Variants in GALNT8 observed in about 807,000 individuals in gnomAD.
GALNT8 encodes probable polypeptide N-acetylgalactosaminyltransferase 8.
In GALNT8, 66 loss-of-function variants were observed where a neutral mutation model predicts 62.7. The ratio of observed to expected loss-of-function variants is 1.05; its 90% CI spans 0.86 to 1.29. GALNT8 has a LOEUF of 1.29. GALNT8 is among the 50% of genes most tolerant of loss of function. GALNT8 has a pLI of 0.00. For synonymous variants in GALNT8, 288 were observed against 294.3 expected, an observed-to-expected ratio of 0.98 and a Z score of 0.22; for missense variants, 771 against 791.8, an observed-to-expected ratio of 0.97 and a Z score of 0.32.
At chr12:4,733,160 G>A (rs1042894429) in intron 2 of GALNT8, among the ~76,000 whole-genome samples, 41 of 152,312 alleles carry the variant, frequency 2.7e-4, no homozygotes, top group African/African-American at 9.4e-4. Flanking sequence ...ATTCAATTAA[G>A]CATTTAGGTT....
intron 2 of GALNT8, among the ~76,000 whole-genome samples, chr12:4,734,733 A>G (rs1001416910): frequency 2.6e-5 from 4 of 152,082 alleles, no homozygotes; most frequent in Admixed American, 2.6e-4. Flanking sequence ...TCTAGGATGA[A>G]GTCCAGTCTT....
chr12:4,729,476 C>G (rs1946211560), intron 2 of GALNT8, among the ~76,000 whole-genome samples: 1 of 152,170 alleles, frequency 6.6e-6, no homozygotes, highest in Admixed American at 6.5e-5. Context: ...TCATTCTACT[C>G]TCTTTCTGTG....
rs2286578 is a variant in GALNT8, at chr12:4,726,716, T to G, written c.396T>G (p.Leu132=). The G allele has an allele frequency of 0.4, 643,691 of 1,613,194 alleles. 131,711 individuals carry two copies. Among genetic ancestry groups the G allele is most frequent in the Admixed American group, 0.44 (26,090 of 59,936 alleles). The change falls in exon 2 of 11, where the codon CTT becomes CTG. Residue 132 remains leucine, a synonymous_variant. Coordinates refer to ENST00000252318, the MANE Select transcript of GALNT8 (RefSeq NM_017417.2). The surrounding 1 kb of genome is among the most constrained non-coding windows in gnomAD (Gnocchi z 4.1). ...SQLFRQWGED[L]SEAQQKAAQD... ...TTTTCAGGCAATGGGGCGAGGATCTTTCTGAGGCCCAGCAGAAGGCGGCCC... is the reference window on the plus strand; with the variant it reads ...TTTTCAGGCAATGGGGCGAGGATCTGTCTGAGGCCCAGCAGAAGGCGGCCC...
At chr12:4,724,191 G>C (rs1016613954) in intron 1 of GALNT8, among the ~76,000 whole-genome samples, 5 of 148,514 alleles carry the variant, frequency 3.4e-5, no homozygotes, top group South Asian at 2.2e-4. Flanking sequence ...AGTCAATAAG[G>C]ATACTTAGTT....
In GALNT8 at chr12:4,744,252, T is replaced by C. The variant is rs1946285175; in HGVS notation, c.677-265T>C. Among the ~76,000 whole-genome samples, 4 of 152,298 alleles carry C rather than the reference T, an allele frequency of 2.6e-5. 1 individual carries two copies. The South Asian group carries it at 8.3e-4, about 32-fold the overall frequency. On this transcript the variant is annotated intron_variant, in intron 3 of 10. Transcript: ENST00000252318. ...CAACGTGAAAAAGCACTTATAACAG[T>C]GCCTGACACGTAGTAAGCAGTATTA...
chr12:4,768,306 T>G (rs1946408602), intron 10 of GALNT8: 1 of 233,422 alleles, frequency 4.3e-6, no homozygotes, highest in Non-Finnish European at 8.6e-6. Context: ...TTTGATTCCC[T>G]TAATAGCTAT....
intron 6 of GALNT8, among the ~76,000 whole-genome samples, chr12:4,750,962 G>GA (rs1246129319): frequency 2.0e-5 from 3 of 152,020 alleles, no homozygotes; most frequent in Non-Finnish European, 4.4e-5. Context: ...AGAGAACCCA[G>GA]AAAAAAGACC....
In GALNT8 at chr12:4,720,554, G is replaced by A. The variant is rs1388972848; in HGVS notation, c.-124G>A. The A allele has an allele frequency of 2.8e-6, 2 of 705,192 alleles. No individual in the cohort carries two copies. The highest frequency in any genetic ancestry group is 1.8e-5 in the African/African-American group (1 of 56,754). 43.7% of individuals were successfully genotyped at this position (705,192 alleles called of 1,614,324 possible). On this transcript the variant is annotated 5_prime_UTR_variant, in exon 1 of 11. Transcript: ENST00000252318. ...CTTCCCATGGGTGTCTCACACAGGG[G>A]AGACCAACTCAACTGGCACCTAGAA...
At chr12:4,742,381 G>C (rs1946275815) in intron 3 of GALNT8, among the ~76,000 whole-genome samples, 1 of 152,178 alleles carries the variant, frequency 6.6e-6, no homozygotes, top group Non-Finnish European at 1.5e-5. Flanking sequence ...TATCAAGGTA[G>C]GTGGAATGCT....
chr12:4,743,497 G>A (rs1047818859), intron 3 of GALNT8, among the ~76,000 whole-genome samples: 12 of 152,158 alleles, frequency 7.9e-5, no homozygotes, highest in Non-Finnish European at 1.8e-4. Flanking sequence ...AAATATGCTC[G>A]TCTTTTGAGA....
rs58809573 is a variant in GALNT8 at position 4,764,530 on chromosome 12, ATTTTTTTTTTTTTTTT to A, written c.1593+499_1593+514del. On this transcript the variant is annotated intron_variant, in intron 9 of 10. Coordinates refer to ENST00000252318, the MANE Select transcript of GALNT8 (RefSeq NM_017417.2). ...ACCATGTGGAAGGTGCAGTCAGGGGATTTTTTTTTTTTTTTTTTTTTTTTTTTTTTTGAGACAGAGT... is the reference window on the plus strand; with the variant it reads ...ACCATGTGGAAGGTGCAGTCAGGGGATTTTTTTTTTTTTTTGAGACAGAGT... Among the ~76,000 whole-genome samples the A allele has an allele frequency of 6.3e-4, 64 of 102,232 alleles. 3 individuals are homozygous for A. The highest frequency in any genetic ancestry group is 2.0e-3 in the African/African-American group (51 of 25,086). The allele number at this position is 102,232 out of a possible 152,430, so 67.1% of individuals were successfully genotyped here.
intron 3 of GALNT8, among the ~76,000 whole-genome samples, chr12:4,740,907 A>C: frequency 6.6e-6 from 1 of 152,344 alleles, no homozygotes; most frequent in East Asian, 1.9e-4. Flanking sequence ...GGTTCTAACC[A>C]CTGTGTTCCC....
chr12:4,721,054 G>A (rs1477508899), intron 1 of GALNT8, among the ~76,000 whole-genome samples, 166 bp downstream of exon 1: 1 of 152,152 alleles, frequency 6.6e-6, no homozygotes, highest in Non-Finnish European at 1.5e-5. Context: ...TGGGAGATGG[G>A]TATTGAGAAT....
intron 2 of GALNT8, among the ~76,000 whole-genome samples, chr12:4,728,856 A>G (rs571829022): frequency 6.6e-6 from 1 of 152,238 alleles, no homozygotes; most frequent in Admixed American, 6.5e-5. Context: ...GAATTTCCAT[A>G]TGAGTTTTAG....
chr12:4,721,426 CTCGG>C (rs1946168111), intron 1 of GALNT8, among the ~76,000 whole-genome samples: 3 of 152,172 alleles, frequency 2.0e-5, no homozygotes, highest in Non-Finnish European at 2.9e-5. Context: ...TTGGGTGTTT[CTCGG>C]AGAGGGGGAT....
At chr12:4,754,578 TCAC>T (rs1477571805) in intron 6 of GALNT8, among the ~76,000 whole-genome samples, 6 of 152,060 alleles carry the variant, frequency 3.9e-5, no homozygotes. Flanking sequence ...GGCTTAAGAC[TCAC>T]CCATCAGGGA....
At chr12:4,722,040 G>A (rs1053575698) in intron 1 of GALNT8, among the ~76,000 whole-genome samples, 1 of 152,208 alleles carries the variant, frequency 6.6e-6, no homozygotes, top group Non-Finnish European at 1.5e-5. Flanking sequence ...AGTCGACACA[G>A]CACATGTTTC....
chr12:4,721,469 A>G (rs887920430), intron 1 of GALNT8, among the ~76,000 whole-genome samples: 1 of 151,948 alleles, frequency 6.6e-6, no homozygotes, highest in Non-Finnish European at 1.5e-5. Context: ...AATAGTGGAG[A>G]GAAGGTCAGC....
At chr12:4,751,147 A>T (rs1946320894) in intron 6 of GALNT8, among the ~76,000 whole-genome samples, 1 of 152,196 alleles carries the variant, frequency 6.6e-6, no homozygotes, top group African/African-American at 2.4e-5. Flanking sequence ...TTAAAACTTA[A>T]ATGTAAAACT....
Sources: gnomAD v4.1 joint callset for allele counts (sites outside exome capture counted in the v4.1 genomes callset) on GRCh38, gnomAD v4.1.1 for gene constraint, Gnocchi (gnomAD v3.1) non-coding constraint, MANE v1.5 for transcripts, NCBI Gene and HGNC (gene_info 2026-07-23, HGNC 2026-07-21) for gene names.